The following CAST variants were observed in gnomAD, a reference collection of about 807,000 sequenced individuals.
CAST encodes the protein calpastatin.
CAST carries 76 observed loss-of-function variants against 119.6 expected under a neutral mutation model. The observed-to-expected ratio is 0.64, with a 90% CI of 0.53 to 0.77. The LOEUF (loss-of-function observed/expected upper bound fraction) is 0.77. Ranked by LOEUF, CAST falls within the 30% of genes least tolerant of loss-of-function variation. The pLI is 0.00. For missense variants in CAST, 953 were observed against 946.5 expected, an observed-to-expected ratio of 1.01 and a Z score of -0.09; for synonymous variants, 319 against 331.6, an observed-to-expected ratio of 0.96 and a Z score of 0.41.
chr5:96,402,487 C>T, the CAST span, among the ~76,000 whole-genome samples: 1 of 152,158 alleles, frequency 6.6e-6, no homozygotes. Context: ...CACTCAGACT[C>T]AGTGCCTGGT....
chr5:96,100,392 TG>T, the CAST span, among the ~76,000 whole-genome samples: 1 of 152,236 alleles, frequency 6.6e-6, no homozygotes, highest in Non-Finnish European at 1.5e-5. Flanking sequence ...TCACTGGATC[TG>T]TGGTCTGTCT....
the CAST span, among the ~76,000 whole-genome samples, chr5:96,481,099 CTCAA>C: frequency 6.2e-5 from 9 of 144,444 alleles, no homozygotes; most frequent in Non-Finnish European, 1.0e-4. Context: ...GAGAAAAGCT[CTCAA>C]TCAAAGTTTT....
chr5:96,334,578 AC>A, the CAST span, among the ~76,000 whole-genome samples: 1 of 151,942 alleles, frequency 6.6e-6, no homozygotes, highest in East Asian at 1.9e-4. Context: ...CAGAAAAGTC[AC>A]CCCCACGGTC....
chr5:95,998,848 A>G, the CAST span, among the ~76,000 whole-genome samples: 2 of 152,180 alleles, frequency 1.3e-5, no homozygotes, highest in African/African-American at 4.8e-5. Context: ...TAGAGGTTAT[A>G]CTAATTTACA....
the CAST span, among the ~76,000 whole-genome samples, chr5:96,395,745 C>A: frequency 6.6e-6 from 1 of 152,064 alleles, no homozygotes; most frequent in Non-Finnish European, 1.5e-5. Flanking sequence ...ACCTATGTAA[C>A]AAACCTGCAC....
intron 1 of CAST, among the ~76,000 whole-genome samples, chr5:96,544,583 A>C (rs1188810284): frequency 6.8e-6 from 1 of 146,328 alleles, no homozygotes; most frequent in Non-Finnish European, 1.5e-5. Context: ...GTAAATTTAT[A>C]TTATAATTTT....
the CAST span, among the ~76,000 whole-genome samples, chr5:96,177,332 T>A: frequency 4.8e-4 from 73 of 152,322 alleles, no homozygotes; most frequent in Middle Eastern, 3.4e-3. Context: ...TGATTATATG[T>A]TGAAACCACA....
chr5:96,770,118 T>A, intron 29 of CAST: 1 of 167,356 alleles, frequency 6.0e-6, no homozygotes, highest in East Asian at 1.5e-4. Context: ...TAGTTCTACT[T>A]TTAATTTCTT....
At chr5:96,619,813 C>T (rs977449963) in intron 1 of CAST, among the ~76,000 whole-genome samples, 10 of 151,932 alleles carry the variant, frequency 6.6e-5, no homozygotes, top group East Asian at 1.9e-4. Flanking sequence ...CACCAATTTC[C>T]GACACATTAG....
the CAST span, among the ~76,000 whole-genome samples, chr5:95,984,468 G>C: frequency 1.3e-5 from 2 of 151,504 alleles, no homozygotes; most frequent in Admixed American, 6.6e-5. Flanking sequence ...AAATTCAATG[G>C]GAATGACTCA....
the CAST span, among the ~76,000 whole-genome samples, chr5:96,135,506 A>G: frequency 6.6e-6 from 1 of 152,162 alleles, no homozygotes; most frequent in African/African-American, 2.4e-5. Context: ...AGTTAGCACA[A>G]TCTTAGGAGA....
the CAST span, among the ~76,000 whole-genome samples, chr5:96,050,591 G>T: frequency 2.0e-5 from 3 of 152,230 alleles, no homozygotes; most frequent in African/African-American, 7.2e-5. Context: ...TGAGGAGAAT[G>T]GTGCTGGCCA....
At chr5:96,333,675 A>G in the CAST span, among the ~76,000 whole-genome samples, 1 of 151,922 alleles carries the variant, frequency 6.6e-6, no homozygotes, top group Non-Finnish European at 1.5e-5. Flanking sequence ...TGAGACCTGG[A>G]GTTGGGGAGG....
At chr5:96,388,715 GAATT>G in the CAST span, among the ~76,000 whole-genome samples, 1 of 152,128 alleles carries the variant, frequency 6.6e-6, no homozygotes. Context: ...TTGTATTTAA[GAATT>G]AATCTGTATC....
At chr5:96,703,258 A>C (rs1167958557) in intron 3 of CAST, among the ~76,000 whole-genome samples, 3 of 152,178 alleles carry the variant, frequency 2.0e-5, no homozygotes, top group African/African-American at 7.2e-5. Context: ...GTGGCCCAAA[A>C]GAAGGAAAGC....
chr5:96,317,396 G>A, the CAST span, among the ~76,000 whole-genome samples: 3 of 142,936 alleles, frequency 2.1e-5, no homozygotes, highest in Admixed American at 2.2e-4. Flanking sequence ...AGAATCGCTT[G>A]AGCCCAGGAG....
chr5:96,074,063 G>A, the CAST span, among the ~76,000 whole-genome samples: 5 of 152,020 alleles, frequency 3.3e-5, no homozygotes, highest in Admixed American at 2.0e-4. Context: ...ATTTTATATC[G>A]AGAGACTCAC....
the CAST span, among the ~76,000 whole-genome samples, chr5:96,450,729 T>C: frequency 4.6e-5 from 7 of 152,350 alleles, 1 homozygote; most frequent in African/African-American, 1.7e-4. Flanking sequence ...GAGAAGTTCA[T>C]GACTATCTTC....
chr5:96,152,283 C>A, the CAST span, among the ~76,000 whole-genome samples: 1 of 152,190 alleles, frequency 6.6e-6, no homozygotes, highest in Non-Finnish European at 1.5e-5. Flanking sequence ...AAAAGATGAA[C>A]TGGTGGCCTA....
Sources: gnomAD v4.1 joint callset for allele counts (sites outside exome capture counted in the v4.1 genomes callset) on GRCh38, gnomAD v4.1.1 for gene constraint, MANE v1.5 for transcripts, NCBI Gene and HGNC (gene_info 2026-07-23, HGNC 2026-07-21) for gene names.